Variants in SCLT1 observed in about 807,000 individuals in gnomAD.
SCLT1 encodes the protein sodium channel-associated protein 1.
In SCLT1, 78 loss-of-function variants were observed where a neutral mutation model predicts 112.8. The observed-to-expected ratio is 0.69, with a 90% CI of 0.58 to 0.83. The LOEUF (loss-of-function observed/expected upper bound fraction) is 0.83. Among genes scored for constraint, SCLT1 ranks in the 40% least tolerant of loss-of-function variants. The pLI is 0.00. For synonymous variants in SCLT1, 257 were observed against 254.7 expected (o/e 1.01, Z -0.09); for missense variants, 747 against 770.4 (o/e 0.97, Z 0.36).
At chr4:128,998,740 C>T (rs906325420) in intron 7 of SCLT1, among the ~76,000 whole-genome samples, 2 of 149,456 alleles carry the variant, frequency 1.3e-5, no homozygotes, top group African/African-American at 2.5e-5. Context: ...TTTTTCAAGC[C>T]AGGGCATGTA....
chr4:129,026,958 G>A (rs1050995174), intron 5 of SCLT1, among the ~76,000 whole-genome samples: 6 of 152,086 alleles, frequency 3.9e-5, no homozygotes, highest in African/African-American at 1.4e-4. Context: ...TAGAAGAAAT[G>A]GATAAATTCC....
chr4:128,877,878 C>CTT (rs762232569), intron 3 of SCLT1, among the ~76,000 whole-genome samples: 3 of 152,258 alleles, frequency 2.0e-5, no homozygotes, highest in Middle Eastern at 3.4e-3. Flanking sequence ...TAGTTCCAGC[C>CTT]TTATTCTAGG....
chr4:128,967,296 T>C (rs1315520711), intron 10 of SCLT1, among the ~76,000 whole-genome samples: 1 of 152,222 alleles, frequency 6.6e-6, no homozygotes, highest in African/African-American at 2.4e-5. Context: ...CTTGTTATTG[T>C]GAATAGTGCT....
intron 5 of SCLT1, among the ~76,000 whole-genome samples, chr4:129,032,277 G>C (rs1746793571): frequency 6.6e-6 from 1 of 152,060 alleles, no homozygotes; most frequent in Non-Finnish European, 1.5e-5. Flanking sequence ...AGGAAAACTG[G>C]CTAGCCCTAT....
chr4:129,021,780 C>T (rs1033049356), intron 5 of SCLT1, among the ~76,000 whole-genome samples: 3 of 152,200 alleles, frequency 2.0e-5, no homozygotes, highest in African/African-American at 7.2e-5. Context: ...GCAGCTGATC[C>T]TGACAAGAGG....
At chr4:128,894,151 A>T (rs1360228413) in intron 18 of SCLT1, among the ~76,000 whole-genome samples, 1 of 151,968 alleles carries the variant, frequency 6.6e-6, no homozygotes, top group Non-Finnish European at 1.5e-5. Context: ...CATATTGCCC[A>T]GGTTGATCTA....
intron 15 of SCLT1, among the ~76,000 whole-genome samples, chr4:128,948,017 C>G (rs1738327364): frequency 1.3e-5 from 2 of 152,132 alleles, no homozygotes; most frequent in South Asian, 4.1e-4. Flanking sequence ...TCAAAGAATA[C>G]AGCCGCCCTT....
chr4:128,998,039 A>T (rs1743159263), intron 7 of SCLT1, 100 bp from the exon 8 acceptor site: 2 of 482,328 alleles, frequency 4.1e-6, no homozygotes, highest in Non-Finnish European at 7.1e-6. Context: ...ATTATGCCTA[A>T]GTTTAGATAA....
chr4:129,046,533 T>C (rs960423028), intron 2 of SCLT1, among the ~76,000 whole-genome samples: 1 of 152,280 alleles, frequency 6.6e-6, no homozygotes, highest in East Asian at 1.9e-4. Context: ...TACTGACATA[T>C]ACTATTTCAC....
intron 20 of SCLT1, among the ~76,000 whole-genome samples, chr4:128,884,847 A>C (rs775311803): frequency 1.3e-5 from 2 of 152,116 alleles, no homozygotes; most frequent in East Asian, 3.9e-4. Flanking sequence ...GGGTCTCACT[A>C]CGTTGCCCAG....
chr4:129,089,440 T>C (rs1309083849), intron 1 of SCLT1, among the ~76,000 whole-genome samples: 1 of 152,238 alleles, frequency 6.6e-6, no homozygotes, highest in African/African-American at 2.4e-5. Context: ...TCAACCATTG[T>C]GGAAGACAGT....
rs114706884 is a variant in SCLT1 at position 129,012,448 on chromosome 4, G to C, written c.291-8572C>G. On this transcript the variant is annotated intron_variant, in intron 5 of 20. Transcript: ENST00000281142. The stretch of plus-strand genomic sequence containing the variant: ...GTGTTTTACTTCTGATTACGTGATT[G>C]ATTTTAGAACATGTGCCATGTGGTG... 9.6e-3 allele frequency among the ~76,000 whole-genome samples: 1,462 copies of C among 152,250 alleles called. 17 individuals carry two copies. Among genetic ancestry groups the C allele is most frequent in the African/African-American group, 0.028 (1,173 of 41,570 alleles).
intron 2 of SCLT1, among the ~76,000 whole-genome samples, chr4:129,067,807 T>G (rs1434349102): frequency 6.6e-6 from 1 of 151,814 alleles, no homozygotes; most frequent in African/African-American, 2.4e-5. Flanking sequence ...CCACCATGCC[T>G]GGCAAAGAAG....
intron 2 of SCLT1, among the ~76,000 whole-genome samples, chr4:129,069,981 T>C (rs1351593057): frequency 6.6e-6 from 1 of 152,114 alleles, no homozygotes; most frequent in Non-Finnish European, 1.5e-5. Flanking sequence ...CAGACTTTGT[T>C]GAATGCTTTT....
At chr4:128,946,254 T>G (rs1300993037) in intron 15 of SCLT1, 102 bp from the exon 16 acceptor site, 4 of 678,516 alleles carry the variant, frequency 5.9e-6, no homozygotes, top group Admixed American at 3.0e-5. Context: ...GCCATGATTA[T>G]GTGTTCATTT....
intron 17 of SCLT1, among the ~76,000 whole-genome samples, chr4:128,939,053 T>G (rs1196647910): frequency 6.6e-6 from 1 of 152,170 alleles, no homozygotes; most frequent in Non-Finnish European, 1.5e-5. Context: ...AGTTTTAGAA[T>G]TTGGCTGCCT....
At chr4:128,885,253 A>G (rs1426642414) in intron 20 of SCLT1, among the ~76,000 whole-genome samples, 1 of 152,224 alleles carries the variant, frequency 6.6e-6, no homozygotes, top group Non-Finnish European at 1.5e-5. Context: ...TAGTAAAAAA[A>G]GATCTAACAG....
intron 2 of SCLT1, among the ~76,000 whole-genome samples, chr4:129,075,300 A>G (rs1751367111): frequency 6.6e-6 from 1 of 152,164 alleles, no homozygotes; most frequent in Admixed American, 6.6e-5. Flanking sequence ...TGTACATTTT[A>G]AAGGACTGCA....
intron 6 of SCLT1, among the ~76,000 whole-genome samples, chr4:129,002,730 T>C (rs769664932): frequency 1.3e-5 from 2 of 152,056 alleles, no homozygotes; most frequent in African/African-American, 2.4e-5. Context: ...AAAATGACAA[T>C]AGAATACCAT....
Sources: gnomAD v4.1 joint callset for allele counts (sites outside exome capture counted in the v4.1 genomes callset) on GRCh38, gnomAD v4.1.1 for gene constraint, MANE v1.5 for transcripts, NCBI Gene and HGNC (gene_info 2026-07-23, HGNC 2026-07-21) for gene names.